ATP8A2: variants seen among roughly 807,000 people sequenced by gnomAD.
ATP8A2 encodes phospholipid-transporting ATPase IB.
A neutral mutation model predicts 165.6 loss-of-function variants in ATP8A2; 100 were observed. The ratio of observed to expected loss-of-function variants is 0.60; its 90% CI spans 0.51 to 0.71. ATP8A2 has a LOEUF of 0.71. Among genes scored for constraint, ATP8A2 ranks in the 30% least tolerant of loss-of-function variants. ATP8A2 has a pLI of 0.00. For missense variants in ATP8A2, 1,227 were observed against 1,479.5 expected, an observed-to-expected ratio of 0.83 and a Z score of 2.80; for synonymous variants, 543 against 548.8, an observed-to-expected ratio of 0.99 and a Z score of 0.15.
At chr13:25,469,954 A>G (rs991024236) in intron 2 of ATP8A2, among the ~76,000 whole-genome samples, 2 of 152,238 alleles carry the variant, frequency 1.3e-5, no homozygotes, top group Admixed American at 1.3e-4. Context: ...CAGAGGATGT[A>G]GTTCTGTGAG....
intron 10 of ATP8A2, among the ~76,000 whole-genome samples, chr13:25,548,930 T>C (rs2038734437): frequency 6.6e-6 from 1 of 152,242 alleles, no homozygotes; most frequent in Admixed American, 6.5e-5. Context: ...AAATTTTTCT[T>C]GGAGCTTAGG....
intron 24 of ATP8A2, among the ~76,000 whole-genome samples, chr13:25,628,780 C>G (rs2041165537): frequency 6.6e-6 from 1 of 152,186 alleles, no homozygotes. Flanking sequence ...TAGATTAGGG[C>G]CCACCCTGAA....
At position 25,589,674 on chromosome 13, in the gene ATP8A2, T is replaced by C. The variant is rs747862617; in HGVS notation, c.2186T>C (p.Ile729Thr). The change falls in exon 24 of 37, where the codon ATC becomes ACC. Residue 729 changes from isoleucine to threonine, a missense_variant. This residue lies in a region of ATP8A2 where 592 missense variants were observed against 785.6 expected (regional missense o/e 0.75). Coordinates refer to ENST00000381655, the MANE Select transcript of ATP8A2 (RefSeq NM_016529.6). ...CRLVSQNMAL[I>T]LLKEDSLDAT... ...TTGGTATCGCAGAATATGGCCCTTA[T>C]CCTATTGAAGGAGGACTCTTTGGAT... 2 of 1,611,834 alleles carry C rather than the reference T, an allele frequency of 1.2e-6. No homozygotes were observed. The highest frequency in any genetic ancestry group is 1.7e-5 in the Admixed American group (1 of 59,958).
In ATP8A2 at chr13:25,802,120, G is replaced by A. The variant is rs374865165; in HGVS notation, c.2680-25998G>A. 4.6e-5 allele frequency among the ~76,000 whole-genome samples: 7 copies of A among 152,186 alleles called. No homozygotes were observed. In the East Asian group the frequency reaches 7.7e-4, roughly 17 times the overall value. ...ACATGGTAACCTACGTTAGAGATTC[G>A]TTGTATGAATAGCAGAACTTTAAAA... On this transcript the variant is annotated intron_variant, in intron 27 of 36. Coordinates refer to ENST00000381655, the MANE Select transcript of ATP8A2 (RefSeq NM_016529.6).
intron 1 of ATP8A2, among the ~76,000 whole-genome samples, chr13:25,465,381 G>A (rs774168298): frequency 6.6e-6 from 1 of 152,062 alleles, no homozygotes; most frequent in Non-Finnish European, 1.5e-5. Flanking sequence ...TTTCCCTGTT[G>A]TGGTATAGAA....
chr13:25,456,213 C>T (rs2035360120), intron 1 of ATP8A2, among the ~76,000 whole-genome samples: 1 of 152,222 alleles, frequency 6.6e-6, no homozygotes, highest in Non-Finnish European at 1.5e-5. Context: ...TCCAACCAAT[C>T]ACCCTTTTCC....
rs570741028 is a variant in ATP8A2, at chr13:25,684,731, GT to G, written c.2212-14441del. 2.2e-3 allele frequency among the ~76,000 whole-genome samples: 301 copies of G among 136,062 alleles called. 3 individuals are homozygous for G. Among genetic ancestry groups the G allele is most frequent in the Non-Finnish European group, 4.2e-3 (266 of 63,868 alleles). The allele number at this position is 136,062 out of a possible 152,430, so 89.3% of individuals were successfully genotyped here. A position where few individuals can be genotyped will look rare whatever the true frequency, so the allele number is the denominator to read the frequency against. ...TGGATTTAGAACCTATTAAATGTAA[GT>G]CTGGAAAACAGAGCCACTTCTCTTT... On this transcript the variant is annotated intron_variant, in intron 24 of 36. Transcript: ENST00000381655.
intron 33 of ATP8A2, among the ~76,000 whole-genome samples, chr13:25,929,175 C>A (rs1186261921): frequency 6.6e-6 from 1 of 152,176 alleles, no homozygotes; most frequent in Non-Finnish European, 1.5e-5. Flanking sequence ...CAGCCTCCAT[C>A]GTAAATGTGC....
chr13:25,927,092 C>T (rs890802271), intron 33 of ATP8A2: 2 of 454,762 alleles, frequency 4.4e-6, no homozygotes, highest in Non-Finnish European at 8.9e-6. Flanking sequence ...ATTCATTCAC[C>T]TTCTTCCCTT....
intron 25 of ATP8A2, among the ~76,000 whole-genome samples, chr13:25,725,349 G>A (rs1389948555): frequency 1.3e-5 from 2 of 152,236 alleles, no homozygotes; most frequent in African/African-American, 4.8e-5. Context: ...TCAGGGCTAG[G>A]AATGGTGACA....
chr13:25,843,517 C>A (rs1422675656), intron 30 of ATP8A2, among the ~76,000 whole-genome samples: 3 of 152,048 alleles, frequency 2.0e-5, no homozygotes, highest in African/African-American at 7.2e-5. Context: ...AAAAAGGACC[C>A]TAGAGAGCTC....
intron 27 of ATP8A2, among the ~76,000 whole-genome samples, chr13:25,802,252 G>A (rs561313571): frequency 4.6e-5 from 7 of 152,292 alleles, no homozygotes; most frequent in African/African-American, 1.7e-4. Flanking sequence ...AGGGAAACAA[G>A]TGGTTAAGAT....
intron 1 of ATP8A2, among the ~76,000 whole-genome samples, chr13:25,405,716 A>G (rs2033780822): frequency 6.6e-6 from 1 of 152,336 alleles, no homozygotes; most frequent in Admixed American, 6.5e-5. Flanking sequence ...ACAAAATCCT[A>G]GATATCATGT....
chr13:25,821,587 A>G (rs1951183176), intron 27 of ATP8A2, among the ~76,000 whole-genome samples: 1 of 152,236 alleles, frequency 6.6e-6, no homozygotes. Flanking sequence ...GCAACCAGCC[A>G]CATGTTATTA....
chr13:25,815,627 T>C (rs572408476), intron 27 of ATP8A2, among the ~76,000 whole-genome samples: 135 of 152,314 alleles, frequency 8.9e-4, no homozygotes, highest in African/African-American at 3.2e-3. Context: ...ATAGTATTGC[T>C]GTACCTCCAC....
intron 33 of ATP8A2, among the ~76,000 whole-genome samples, chr13:25,952,007 C>T (rs924143030): frequency 2.0e-5 from 3 of 152,082 alleles, no homozygotes; most frequent in African/African-American, 7.2e-5. Context: ...CTAGACATAC[C>T]AGTGGCTTGT....
chr13:25,487,004 C>T (rs1050847158), intron 2 of ATP8A2, among the ~76,000 whole-genome samples: 1 of 152,036 alleles, frequency 6.6e-6, no homozygotes, highest in Non-Finnish European at 1.5e-5. Flanking sequence ...ACAAATAGAG[C>T]TGTGGTTGAG....
At chr13:25,831,775 G>A (rs551292745) in intron 28 of ATP8A2, among the ~76,000 whole-genome samples, 43 of 151,366 alleles carry the variant, frequency 2.8e-4, no homozygotes, top group Non-Finnish European at 5.6e-4. Context: ...CCCGGGAGGC[G>A]GAGGTTGCAG....
chr13:25,480,016 C>T lies in ATP8A2; in HGVS notation c.221+10895C>T, dbSNP rs183962836. Among the ~76,000 whole-genome samples, 759 of 152,332 alleles carry T rather than the reference C, an allele frequency of 5.0e-3. 7 individuals carry two copies. Among genetic ancestry groups the T allele is most frequent in the African/African-American group, 0.018 (735 of 41,562 alleles). On this transcript the variant is annotated intron_variant, in intron 2 of 36. Coordinates refer to ENST00000381655, the MANE Select transcript of ATP8A2 (RefSeq NM_016529.6). Reference sequence around the variant, plus strand: ...TCAATGAGCTGTTGGGCACACCTCCCGGACGGGGTGGTGGCCAGGCAGAGG... The same window carrying T: ...TCAATGAGCTGTTGGGCACACCTCCTGGACGGGGTGGTGGCCAGGCAGAGG...
Sources: gnomAD v4.1 joint callset for allele counts (sites outside exome capture counted in the v4.1 genomes callset) on GRCh38, gnomAD v4.1.1 for gene constraint, gnomAD v4.1.1 regional missense constraint, MANE v1.5 for transcripts, NCBI Gene and HGNC (gene_info 2026-07-23, HGNC 2026-07-21) for gene names.